ETS1: variants seen among roughly 807,000 people sequenced by gnomAD.
ETS1 encodes ETS proto-oncogene 1, transcription factor.
A neutral mutation model predicts 58.6 loss-of-function variants in ETS1; 15 were observed. The observed-to-expected ratio is 0.26, with a 90% CI of 0.17 to 0.39. The LOEUF is 0.39. Among genes scored for constraint, ETS1 ranks in the 10% least tolerant of loss-of-function variants. The pLI, the probability that ETS1 is intolerant of heterozygous loss-of-function variation, is 1.00. For synonymous variants in ETS1, 214 were observed against 218.2 expected (o/e 0.98, Z 0.17); for missense variants, 417 against 610.5 (o/e 0.68, Z 3.34).
At chr11:128,473,786 G>A (rs998456286) in intron 8 of ETS1, among the ~76,000 whole-genome samples, 3 of 152,238 alleles carry the variant, frequency 2.0e-5, no homozygotes, top group Admixed American at 6.5e-5. Context: ...CTCTGCAGCA[G>A]GGGAGGCCGT....
At chr11:128,475,099 G>C (rs189672775) in intron 8 of ETS1, among the ~76,000 whole-genome samples, 63 of 152,370 alleles carry the variant, frequency 4.1e-4, no homozygotes, top group Non-Finnish European at 7.9e-4. Flanking sequence ...GCTCTACGCT[G>C]TTCCTAATCA....
At chr11:128,572,283 TAAATA>T (rs1565415359) in intron 2 of ETS1, 1 of 147,118 alleles carries the variant, frequency 6.8e-6, no homozygotes, top group Non-Finnish European at 1.5e-5. Flanking sequence ...AAGAAAAAAA[TAAATA>T]AAATAAACTT....
intron 1 of ETS1, among the ~76,000 whole-genome samples, chr11:128,582,851 T>C (rs759294458): frequency 6.6e-5 from 10 of 152,112 alleles, no homozygotes; most frequent in Non-Finnish European, 1.2e-4. Flanking sequence ...CTTTTTGATA[T>C]AATGTCGATC....
chr11:128,491,153 T>C (rs991351121), intron 3 of ETS1, among the ~76,000 whole-genome samples: 2 of 152,198 alleles, frequency 1.3e-5, no homozygotes. Context: ...TCTTTCACAT[T>C]TACCGAGAAT....
chr11:128,525,759 G>A (rs974645256), intron 3 of ETS1, among the ~76,000 whole-genome samples: 26 of 152,250 alleles, frequency 1.7e-4, no homozygotes, highest in African/African-American at 5.1e-4. Context: ...TCTAAGGCAA[G>A]TGGTTTCTAT....
chr11:128,518,330 A>G (rs914364210), intron 3 of ETS1, among the ~76,000 whole-genome samples: 2 of 152,324 alleles, frequency 1.3e-5, no homozygotes, highest in Non-Finnish European at 2.9e-5. Context: ...CTTATCTTCT[A>G]ACAAACATTC....
intron 3 of ETS1, among the ~76,000 whole-genome samples, chr11:128,491,851 C>T (rs1399867259): frequency 2.0e-5 from 3 of 152,222 alleles, no homozygotes; most frequent in African/African-American, 7.2e-5. Context: ...TGAGGCATTA[C>T]AGCCTGCAGA....
In ETS1 at chr11:128,486,720, C is replaced by A. The variant is rs531008805; in HGVS notation, c.536-574G>T. Among the ~76,000 whole-genome samples, 22 of 152,300 alleles carry A rather than the reference C, an allele frequency of 1.4e-4. 1 individual carries two copies. The highest frequency in any genetic ancestry group is 1.2e-3 in the East Asian group (6 of 5,178). ...GACTCCATTTGGTGAAATGCGACTG[C>A]GCTTGTGTCAAGGGAGAGAAGAGCA... On this transcript the variant is annotated intron_variant, in intron 5 of 9. Coordinates refer to ENST00000392668, the MANE Select transcript of ETS1 (RefSeq NM_001143820.2).
At position 128,576,678 on chromosome 11, in the gene ETS1, G is replaced by GC. The variant is rs1386470368; in HGVS notation, c.-14-3535dup. On this transcript the variant is annotated intron_variant, in intron 1 of 9. Transcript: ENST00000392668. ...CCTGCTCTGGACTGTGGCTTGCTGT[G>GC]CCCCCCCATGCTCCCTCCCACCTCT... 3.9e-5 allele frequency among the ~76,000 whole-genome samples: 6 copies of GC among 151,988 alleles called. No homozygotes were observed. In the South Asian group the frequency reaches 1.2e-3, roughly 32 times the overall value.
rs551875792 is a variant in ETS1, at chr11:128,525,285, A to C, written c.214+31006T>G. ...ATTAAGAAAATAGTCACCTTCATAC[A>C]GGAATTCCTCAAGCACATGGAGTAT... is the stretch of plus-strand genomic sequence containing the variant. On this transcript the variant is annotated intron_variant, in intron 3 of 9. Coordinates refer to ENST00000392668, the MANE Select transcript of ETS1 (RefSeq NM_001143820.2). Among the ~76,000 whole-genome samples the C allele has an allele frequency of 2.0e-5, 3 of 152,232 alleles. No homozygotes were observed. The East Asian group carries it at 5.8e-4, about 29-fold the overall frequency.
chr11:128,468,838 C>T (rs1379271102), intron 8 of ETS1, among the ~76,000 whole-genome samples: 1 of 152,228 alleles, frequency 6.6e-6, no homozygotes, highest in Non-Finnish European at 1.5e-5. Context: ...CACCAACAAA[C>T]ACCAACAAAC....
Position 128,549,929 on chromosome 11 carries a change from A to G in ETS1, c.214+6362T>C, listed in dbSNP as rs919011112. ...TAAGAGTGGGCAGGACTCAGATGTG[A>G]GTGGGCATCTGGTTTCTTCGATTCA... On this transcript the variant is annotated intron_variant, in intron 3 of 9. Coordinates refer to ENST00000392668, the MANE Select transcript of ETS1 (RefSeq NM_001143820.2). This position sits in a 1 kb window ranked among gnomAD's most constrained non-coding sequence, Gnocchi z 4.3. Among the ~76,000 whole-genome samples the G allele has an allele frequency of 2.0e-5, 3 of 152,200 alleles. No individual in the cohort carries two copies. Among genetic ancestry groups the G allele is most frequent in the African/African-American group, 7.2e-5 (3 of 41,434 alleles).
chr11:128,584,938 A>AAAAGAAACAAAGAAAGAAAG (rs1864944384), intron 1 of ETS1, among the ~76,000 whole-genome samples: 2 of 62,564 alleles, frequency 3.2e-5, no homozygotes, highest in Non-Finnish European at 6.5e-5. Flanking sequence ...GAAAAAAGAG[A>AAAAGAAACAAAGAAAGAAAG]AAAGAAAGAA....
At chr11:128,526,872 A>G (rs1863810642) in intron 3 of ETS1, 1 of 455,306 alleles carries the variant, frequency 2.2e-6, no homozygotes. Flanking sequence ...CTCCAAGTCC[A>G]GCACTCCTAT....
chr11:128,481,831 G>A (rs1862494781), intron 7 of ETS1, among the ~76,000 whole-genome samples: 1 of 152,192 alleles, frequency 6.6e-6, no homozygotes, highest in Admixed American at 6.5e-5. Context: ...TCCCAACATT[G>A]TTTAAAGATC....
At chr11:128,530,278 C>T (rs1863873633) in intron 3 of ETS1, 1 of 152,218 alleles carries the variant, frequency 6.6e-6, no homozygotes, top group Non-Finnish European at 1.5e-5. Context: ...GATGGTCCTG[C>T]CCATGACTCA....
At position 128,459,554 on chromosome 11, in the gene ETS1, T is replaced by A. The variant is rs1381094423; in HGVS notation, c.*2807A>T. On this transcript the variant is annotated 3_prime_UTR_variant, in exon 10 of 10. Transcript: ENST00000392668. ...AAACCAACAAAGGTTAAGGCATCTCTGGGAAAATAAGGGTTTCACCCAGCT... is the reference window on the plus strand; with the variant it reads ...AAACCAACAAAGGTTAAGGCATCTCAGGGAAAATAAGGGTTTCACCCAGCT... 1 of 152,798 alleles carries A rather than the reference T, an allele frequency of 6.5e-6. No individual in the cohort carries two copies. The highest frequency in any genetic ancestry group is 2.4e-5 in the African/African-American group (1 of 41,470). 9.5% of individuals were successfully genotyped at this position (152,798 alleles called of 1,614,324 possible).
chr11:128,555,977 CT>C (rs1864305703), intron 3 of ETS1, among the ~76,000 whole-genome samples: 1 of 152,348 alleles, frequency 6.6e-6, no homozygotes, highest in African/African-American at 2.4e-5. Flanking sequence ...AGCTCAGACT[CT>C]GTGACTGCAA....
At chr11:128,491,312 T>C (rs1443779944) in intron 3 of ETS1, among the ~76,000 whole-genome samples, 1 of 152,242 alleles carries the variant, frequency 6.6e-6, no homozygotes, top group Non-Finnish European at 1.5e-5. Flanking sequence ...AGGAGCTAGC[T>C]ATCTGATTCT....
Sources: allele counts gnomAD v4.1 joint callset (sites outside exome capture counted in the v4.1 genomes callset), GRCh38; gene constraint gnomAD v4.1.1; non-coding constraint Gnocchi (gnomAD v3.1); transcripts MANE v1.5; gene names NCBI Gene and HGNC (gene_info 2026-07-23, HGNC 2026-07-21).